The following ANKRD31 variants were observed in gnomAD, a reference collection of about 807,000 sequenced individuals.
ANKRD31 encodes the protein ankyrin repeat domain-containing protein 31.
Under a neutral mutation model 186.0 loss-of-function variants are expected in ANKRD31, and 147 were observed. The ratio of observed to expected loss-of-function variants is 0.79; its 90% CI spans 0.69 to 0.91. ANKRD31 has a LOEUF of 0.91. Among genes scored for constraint, ANKRD31 ranks in the 40% least tolerant of loss-of-function variants. The pLI is 0.00. For missense variants in ANKRD31, 1,986 were observed against 2,148.8 expected (o/e 0.92, Z 1.50); for synonymous variants, 673 against 736.4 (o/e 0.91, Z 1.39).
chr5:75,206,230 A>T (rs1756178132), intron 5 of ANKRD31, among the ~76,000 whole-genome samples, 181 bp downstream of exon 5: 1 of 11,200 alleles, frequency 8.9e-5, no homozygotes, highest in African/African-American at 3.8e-4. Flanking sequence ...AAAAAAAAAA[A>T]AAAAAAAAAA....
rs117053615 is a variant in ANKRD31, at chr5:75,113,137, C to T, written c.4156-537G>A. On this transcript the variant is annotated intron_variant, in intron 19 of 25. Coordinates refer to ENST00000506364, the MANE Select transcript of ANKRD31 (RefSeq NM_001372053.1). The stretch of plus-strand genomic sequence containing the variant: ...ACTCTGCCCTGATCCTTCTCTTTCC[C>T]TATGAGAGAGAGAATCGTGGAGTGG... Among the ~76,000 whole-genome samples, 1,318 of 152,214 alleles carry T rather than the reference C, an allele frequency of 8.7e-3. 51 individuals are homozygous for T. The highest frequency in any genetic ancestry group is 0.068 in the Admixed American group (1,035 of 15,280).
chr5:75,236,669 C>G lies in ANKRD31; in HGVS notation c.18G>C (p.Gln6His). Residue 6 changes from glutamine to histidine, a missense_variant, in exon 1 of 26, where the codon CAG (glutamine) becomes CAC (histidine). Gln to His is a conservative substitution (Grantham distance 24). Transcript: ENST00000506364. Reference protein sequence around the residue: MEEGVQAPDWDSDETV... With the variant: MEEGVHAPDWDSDETV... ...TTTCATCACTGTCCCAGTCTGGGGC[C>G]TGGACGCCTTCCTCCATCTTTGCCT... The G allele has an allele frequency of 6.5e-7, 1 of 1,536,340 alleles. No homozygotes were observed. Among genetic ancestry groups the G allele is most frequent in the Non-Finnish European group, 8.7e-7 (1 of 1,146,336 alleles).
chr5:75,235,701 T>G (rs1396405821), intron 1 of ANKRD31, among the ~76,000 whole-genome samples: 3 of 152,050 alleles, frequency 2.0e-5, no homozygotes, highest in Non-Finnish European at 4.4e-5. Flanking sequence ...CTGGGGAACA[T>G]AAAACTCAAG....
At chr5:75,222,166 GA>G in intron 3 of ANKRD31, 82 bp downstream of exon 3, 1 of 977,570 alleles carries the variant, frequency 1.0e-6, no homozygotes, top group Non-Finnish European at 1.4e-6. Context: ...TAGACAAAAA[GA>G]ATTATCATTA....
chr5:75,231,778 A>G (rs1757965408), intron 1 of ANKRD31, among the ~76,000 whole-genome samples: 2 of 152,170 alleles, frequency 1.3e-5, no homozygotes, highest in Non-Finnish European at 2.9e-5. Context: ...CTCACTGAGT[A>G]GCTGAGTAAT....
At chr5:75,177,072 A>T (rs1250787207) in intron 10 of ANKRD31, among the ~76,000 whole-genome samples, 1 of 152,250 alleles carries the variant, frequency 6.6e-6, no homozygotes, top group African/African-American at 2.4e-5. Context: ...CGGCACGAGA[A>T]CTACGTGACA....
intron 2 of ANKRD31, among the ~76,000 whole-genome samples, chr5:75,228,050 G>C (rs1158606341): frequency 1.3e-5 from 2 of 152,176 alleles, no homozygotes; most frequent in African/African-American, 4.8e-5. Flanking sequence ...AAAAAGGTTG[G>C]GGACCGCTGC....
chr5:75,116,706 A>G (rs1047219246), intron 18 of ANKRD31, 25 bp from the exon 19 acceptor site: 1 of 1,309,058 alleles, frequency 7.6e-7, no homozygotes, highest in Non-Finnish European at 1.0e-6. Flanking sequence ...ATTAGAAAAT[A>G]TAATAAGAAT....
intron 17 of ANKRD31, among the ~76,000 whole-genome samples, chr5:75,135,561 G>T (rs1369095810): frequency 2.0e-5 from 3 of 152,092 alleles, no homozygotes; most frequent in East Asian, 1.9e-4. Context: ...TGGATAGGAA[G>T]AATCAATATC....
chr5:75,078,683 ATCTT>A lies in ANKRD31; in HGVS notation c.5647+1881_5647+1884del, dbSNP rs533035254. ...CCTGGTAAATAATGAAACGTGATCT[ATCTT>A]AACAGAATTAAAAAAGAAATAACTT... On this transcript the variant is annotated intron_variant, in intron 25 of 25. Coordinates refer to ENST00000506364, the MANE Select transcript of ANKRD31 (RefSeq NM_001372053.1). 1.4e-3 allele frequency among the ~76,000 whole-genome samples: 208 copies of A among 152,334 alleles called. 1 individual carries two copies. The highest frequency in any genetic ancestry group is 2.9e-3 in the Admixed American group (44 of 15,302).
chr5:75,134,918 C>A lies in ANKRD31; in HGVS notation c.3876+2938G>T, dbSNP rs182137556. On this transcript the variant is annotated intron_variant, in intron 17 of 25. Coordinates refer to ENST00000506364, the MANE Select transcript of ANKRD31 (RefSeq NM_001372053.1). ...ATGAACAGAACCAAAGACAAAAACC[C>A]CATGATTATCTCAACAGTTGCAGAA... 1.6e-3 allele frequency among the ~76,000 whole-genome samples: 250 copies of A among 152,122 alleles called. 1 individual carries two copies. The highest frequency in any genetic ancestry group is 1.9e-3 in the Non-Finnish European group (126 of 67,986).
chr5:75,080,052 C>T (rs999899765), intron 25 of ANKRD31, among the ~76,000 whole-genome samples: 7 of 151,808 alleles, frequency 4.6e-5, no homozygotes, highest in African/African-American at 9.7e-5. Context: ...GAGCCGAGAT[C>T]GTGCCACCAC....
intron 25 of ANKRD31, among the ~76,000 whole-genome samples, chr5:75,075,685 G>C (rs952800499): frequency 2.6e-5 from 4 of 152,140 alleles, no homozygotes; most frequent in Admixed American, 1.3e-4. Context: ...TTGGGCCAGT[G>C]AAGAGAGATG....
chr5:75,192,175 T>C (rs1225115507), intron 9 of ANKRD31, among the ~76,000 whole-genome samples: 1 of 152,166 alleles, frequency 6.6e-6, no homozygotes, highest in African/African-American at 2.4e-5. Flanking sequence ...TACAATATTA[T>C]TTTTTCATCT....
chr5:75,191,763 G>T (rs190598650), intron 9 of ANKRD31, among the ~76,000 whole-genome samples: 1 of 151,766 alleles, frequency 6.6e-6, no homozygotes, highest in Non-Finnish European at 1.5e-5. Context: ...AGTATGATAC[G>T]TTTCTTATTA....
At position 75,104,335 on chromosome 5, in the gene ANKRD31, C is replaced by G. The variant is rs745414673; in HGVS notation, c.5224G>C (p.Ala1742Pro). Residue 1742 changes from alanine (A) to proline (P), a missense_variant, in exon 22 of 26, where the codon GCT becomes CCT. Ala to Pro is a conservative substitution (Grantham distance 27). Transcript: ENST00000506364. ...TTAGGAGCTGTACTGTAGTTTAAAG[C>G]CTTTTTTATTGTATCTTGTTGCCCA... ...GSGQQDTIKK[A>P]LNYSTAPKKK... 107 of 1,536,992 alleles carry G rather than the reference C, an allele frequency of 7.0e-5. No homozygotes were observed. Among genetic ancestry groups the G allele is most frequent in the Middle Eastern group, 1.7e-4 (1 of 6,012 alleles).
In ANKRD31 at chr5:75,118,381, A is replaced by C. The variant is rs1580360072; in HGVS notation, c.3877-84T>G. 2.5e-6 allele frequency: 3 copies of C among 1,181,550 alleles called. No homozygotes were observed. In the East Asian group the frequency reaches 8.8e-5, roughly 35 times the overall value. The allele number at this position is 1,181,550 out of a possible 1,614,324, so 73.2% of individuals were successfully genotyped here. On this transcript the variant is annotated intron_variant, in intron 17 of 25. Transcript: ENST00000506364. ...TTCATCACAAACACCACTGCCAAGC[A>C]TTAAAAGCTATCAAAAGAATGTTTT...
At chr5:75,202,248 T>C (rs1434909299) in intron 5 of ANKRD31, among the ~76,000 whole-genome samples, 3 of 152,246 alleles carry the variant, frequency 2.0e-5, no homozygotes, top group Admixed American at 2.0e-4. Flanking sequence ...ACTCTTCTCG[T>C]TGACGAAATG....
In ANKRD31 at chr5:75,154,545, C is replaced by A. The variant is rs150365332; in HGVS notation, c.1708-200G>T. 2.4e-3 allele frequency among the ~76,000 whole-genome samples: 364 copies of A among 150,992 alleles called. 4 individuals carry two copies. Among genetic ancestry groups the A allele is most frequent in the Non-Finnish European group, 4.2e-3 (286 of 67,814 alleles). On this transcript the variant is annotated intron_variant, in intron 11 of 25. Transcript: ENST00000506364. ...ATTTGTTGATACATGAGTTTCTTAT[C>A]ATTAAAAAAGACTAAAGGAAGAATG...
Sources: allele counts gnomAD v4.1 joint callset (sites outside exome capture counted in the v4.1 genomes callset), GRCh38; gene constraint gnomAD v4.1.1; transcripts MANE v1.5; gene names NCBI Gene and HGNC (gene_info 2026-07-23, HGNC 2026-07-21).